The following DMD variants were observed in gnomAD, a reference collection of about 807,000 sequenced individuals.
DMD encodes dystrophin.
Under a neutral mutation model 330.1 loss-of-function variants are expected in DMD, and 63 were observed. The ratio of observed to expected loss-of-function variants is 0.19; its 90% CI spans 0.16 to 0.24. The LOEUF is 0.24. Among genes scored for constraint, DMD ranks in the 10% least tolerant of loss-of-function variants. The pLI, the probability that DMD is intolerant of heterozygous loss-of-function variation, is 1.00. For missense variants in DMD, 3,344 were observed against 2,684.1 expected, an observed-to-expected ratio of 1.25 and a Z score of -5.43; for synonymous variants, 1,223 against 959.8, an observed-to-expected ratio of 1.27 and a Z score of -5.07.
rs182873193 is a variant in DMD at position 31,964,781 on chromosome X, A to G, written c.6614+3558T>C. On this transcript the variant is annotated intron_variant, in intron 45 of 78. Transcript: ENST00000357033. The stretch of plus-strand genomic sequence containing the variant: ...GTTTTGCAATTGTTTCAATTTTTCT[A>G]TATGTTTGAAATTTTTCACAAAAAG... Among the ~76,000 whole-genome samples the G allele has an allele frequency of 1.4e-4, 16 of 111,043 alleles. No individual in the cohort carries two copies. In the East Asian group the frequency reaches 3.1e-3, roughly 22 times the overall value.
chrX:33,023,849 C>T (rs1348850242), intron 1 of DMD, among the ~76,000 whole-genome samples: 4 of 111,326 alleles, frequency 3.6e-5, no homozygotes, highest in Non-Finnish European at 5.7e-5. Context: ...GACCTCCTTG[C>T]AGAAAACTCC....
chrX:32,761,648 T>G (rs2072311003), intron 7 of DMD, among the ~76,000 whole-genome samples: 1 of 111,396 alleles, frequency 9.0e-6, no homozygotes, highest in Non-Finnish European at 1.9e-5. Context: ...TGAACAGTAA[T>G]GTGCCCGCTT....
chrX:32,284,462 T>A (rs1283395445), intron 43 of DMD, among the ~76,000 whole-genome samples: 1 of 111,856 alleles, frequency 8.9e-6, no homozygotes, highest in Non-Finnish European at 1.9e-5. Flanking sequence ...TTTGAAAGCA[T>A]GTAAGAATGA....
chrX:31,585,336 A>T (rs1374410018), intron 55 of DMD, among the ~76,000 whole-genome samples: 1 of 107,565 alleles, frequency 9.3e-6, no homozygotes, highest in Non-Finnish European at 1.9e-5. Flanking sequence ...AAAAAAAAAA[A>T]AAAAAAAAAA....
intron 55 of DMD, among the ~76,000 whole-genome samples, chrX:31,603,079 G>C (rs1214269332): frequency 2.7e-5 from 3 of 110,899 alleles, no homozygotes; most frequent in Non-Finnish European, 5.7e-5. Context: ...TCATTGCCTT[G>C]TGCTACTCTG....
At chrX:32,287,299 T>C (rs777779515) in intron 43 of DMD, among the ~76,000 whole-genome samples, 3 of 112,017 alleles carry the variant, frequency 2.7e-5, no homozygotes, top group Non-Finnish European at 5.6e-5. Context: ...TTTTAGAAGA[T>C]ATAATGCTTC....
At chrX:31,962,820 A>G (rs1394105846) in intron 45 of DMD, among the ~76,000 whole-genome samples, 2 of 111,380 alleles carry the variant, frequency 1.8e-5, no homozygotes, top group Non-Finnish European at 3.8e-5. Flanking sequence ...AAAAAAAGGA[A>G]GTTTGAGTAC....
chrX:31,403,317 A>G (rs73617085), intron 60 of DMD, among the ~76,000 whole-genome samples: 2,758 of 111,980 alleles, frequency 0.025, 73 homozygotes, highest in African/African-American at 0.083. Context: ...GAGAGCATGT[A>G]GTATCTGGAT....
intron 1 of DMD, among the ~76,000 whole-genome samples, chrX:33,314,059 G>A (rs971276725): frequency 9.2e-6 from 1 of 108,542 alleles, no homozygotes; most frequent in South Asian, 4.1e-4. Context: ...TGTGCCTTGA[G>A]GTTAAGATGT....
In DMD at chrX:32,713,709, T is replaced by C. The variant is rs192210014; in HGVS notation, c.650-14416A>G. On this transcript the variant is annotated intron_variant, in intron 7 of 78. Coordinates refer to ENST00000357033, the MANE Select transcript of DMD (RefSeq NM_004006.3). ...TATTTATTGCTAGGGTTCTGTTATA[T>C]CCTCTAAAATAATACAAATATAGAT... 2.9e-3 allele frequency among the ~76,000 whole-genome samples: 322 copies of C among 112,023 alleles called. 5 individuals are homozygous for C. The highest frequency in any genetic ancestry group is 0.027 in the Admixed American group (282 of 10,426).
At chrX:32,803,748 C>T (rs766428261) in intron 7 of DMD, among the ~76,000 whole-genome samples, 8 of 112,292 alleles carry the variant, frequency 7.1e-5, no homozygotes, top group African/African-American at 2.6e-4. Context: ...CAGGTTTGTT[C>T]AGCTTCCATG....
At chrX:33,121,361 G>A (rs1001673394) in intron 1 of DMD, among the ~76,000 whole-genome samples, 1 of 109,779 alleles carries the variant, frequency 9.1e-6, no homozygotes, top group Non-Finnish European at 1.9e-5. Context: ...CTCCCTAGTA[G>A]CTGGGACTAC....
intron 7 of DMD, among the ~76,000 whole-genome samples, chrX:32,786,222 T>C (rs1280265137): frequency 1.8e-5 from 2 of 110,618 alleles, no homozygotes; most frequent in Non-Finnish European, 3.8e-5. Context: ...AAAGCCTAGG[T>C]AAAATGTATC....
intron 1 of DMD, among the ~76,000 whole-genome samples, chrX:33,139,881 A>T (rs934603628): frequency 5.6e-4 from 61 of 108,283 alleles, no homozygotes; most frequent in Non-Finnish European, 8.4e-4. Flanking sequence ...AAAAAAAAAA[A>T]AAAAAAAAAA....
At chrX:31,284,938 C>G (rs757335962) in intron 62 of DMD, among the ~76,000 whole-genome samples, 1 of 110,017 alleles carries the variant, frequency 9.1e-6, no homozygotes, top group Non-Finnish European at 1.9e-5. Flanking sequence ...TGCTTTGGAA[C>G]TGACTGGTGC....
intron 44 of DMD, among the ~76,000 whole-genome samples, chrX:32,028,284 T>G (rs1006299038): frequency 1.8e-5 from 2 of 111,304 alleles, no homozygotes; most frequent in African/African-American, 6.5e-5. Context: ...GTTTTTGATC[T>G]TATAGAAATT....
chrX:32,044,777 G>A (rs1468656883), intron 44 of DMD, among the ~76,000 whole-genome samples: 1 of 111,771 alleles, frequency 8.9e-6, no homozygotes, highest in Non-Finnish European at 1.9e-5. Context: ...TTAATATGGT[G>A]CCCACTGTTT....
chrX:31,862,691 T>C (rs997757868), intron 48 of DMD, among the ~76,000 whole-genome samples: 4 of 112,390 alleles, frequency 3.6e-5, no homozygotes, highest in African/African-American at 1.3e-4. Context: ...TGCTATCTTA[T>C]TCTATTTTAT....
intron 60 of DMD, among the ~76,000 whole-genome samples, chrX:31,383,400 T>C (rs751403749): frequency 8.9e-6 from 1 of 112,258 alleles, no homozygotes; most frequent in Admixed American, 9.5e-5. Context: ...GGTGAATAGA[T>C]ATGAAGTACG....
Sources: allele counts gnomAD v4.1 joint callset (sites outside exome capture counted in the v4.1 genomes callset), GRCh38; gene constraint gnomAD v4.1.1; transcripts MANE v1.5; gene names NCBI Gene and HGNC (gene_info 2026-07-23, HGNC 2026-07-21).